Variants in CCDC171 observed in about 807,000 individuals in gnomAD.
CCDC171 encodes the protein coiled-coil domain-containing protein 171.
In CCDC171, 177 loss-of-function variants were observed where a neutral mutation model predicts 168.2. The observed-to-expected ratio is 1.05, with a 90% CI of 0.93 to 1.19. The LOEUF (loss-of-function observed/expected upper bound fraction) is 1.19. Among genes scored for constraint, CCDC171 ranks in the 50% most tolerant of loss-of-function variants. The pLI is 0.00. For missense variants in CCDC171, 1,991 were observed against 1,539.0 expected (o/e 1.29, Z -4.91); for synonymous variants, 687 against 540.8 (o/e 1.27, Z -3.75).
At chr9:15,971,223 A>G (rs1831328897) in intron 25 of CCDC171, among the ~76,000 whole-genome samples, 1 of 152,200 alleles carries the variant, frequency 6.6e-6, no homozygotes, top group African/African-American at 2.4e-5. Flanking sequence ...CTTCCATATT[A>G]TATGGCACTT....
the CCDC171 span, among the ~76,000 whole-genome samples, chr9:16,093,501 T>G: frequency 6.6e-6 from 1 of 152,250 alleles, no homozygotes; most frequent in Non-Finnish European, 1.5e-5. Context: ...GTTTGAAATA[T>G]TCTAGTCTAG....
intron 25 of CCDC171, among the ~76,000 whole-genome samples, chr9:15,966,653 C>A (rs559025022): frequency 6.6e-6 from 1 of 152,152 alleles, no homozygotes; most frequent in East Asian, 1.9e-4. Context: ...TCTAGGCACA[C>A]TGGGCCCTTA....
chr9:15,994,715 G>C (rs543502532), intron 3 of CCDC171, among the ~76,000 whole-genome samples: 1 of 152,188 alleles, frequency 6.6e-6, no homozygotes, highest in Non-Finnish European at 1.5e-5. Flanking sequence ...ATTGTCTGCA[G>C]TGTTAACAAC....
At chr9:15,830,117 T>A (rs970791441) in intron 21 of CCDC171, among the ~76,000 whole-genome samples, 7 of 152,208 alleles carry the variant, frequency 4.6e-5, no homozygotes, top group South Asian at 4.1e-4. Flanking sequence ...ATAAAAATCC[T>A]TGCTGGAATG....
In CCDC171 at chr9:15,803,887, C is replaced by T. The variant is rs1223468780; in HGVS notation, c.3267+19193C>T. On this transcript the variant is annotated intron_variant, in intron 21 of 25. Transcript: ENST00000380701. Reference sequence around the variant, plus strand: ...GGCTATTACACAATATTGATTTTTCCTATCTGTGAGCATGGAATGTCTTTC... The same window carrying T: ...GGCTATTACACAATATTGATTTTTCTTATCTGTGAGCATGGAATGTCTTTC... Among the ~76,000 whole-genome samples, 3 of 151,812 alleles carry T rather than the reference C, an allele frequency of 2.0e-5. No individual in the cohort carries two copies. In the East Asian group the frequency reaches 5.8e-4, roughly 29 times the overall value.
chr9:15,707,660 A>T (rs1000308516), intron 11 of CCDC171, among the ~76,000 whole-genome samples: 2 of 152,162 alleles, frequency 1.3e-5, no homozygotes, highest in Non-Finnish European at 2.9e-5. Flanking sequence ...TTCATCCCAA[A>T]GTTTAAAAAC....
At chr9:15,562,808 C>G (rs896407722) in intron 1 of CCDC171, among the ~76,000 whole-genome samples, 2 of 152,098 alleles carry the variant, frequency 1.3e-5, no homozygotes, top group African/African-American at 4.8e-5. Context: ...GGTTCTAACT[C>G]TTACTTTCAT....
intron 23 of CCDC171, among the ~76,000 whole-genome samples, chr9:15,853,205 A>G (rs1408706251): frequency 6.6e-6 from 1 of 151,694 alleles, no homozygotes; most frequent in Non-Finnish European, 1.5e-5. Flanking sequence ...CTTGCAATTC[A>G]TGAACATAGA....
intron 6 of CCDC171, among the ~76,000 whole-genome samples, chr9:15,597,660 A>G (rs188496319): frequency 3.3e-5 from 5 of 152,196 alleles, no homozygotes; most frequent in Non-Finnish European, 7.3e-5. Context: ...CTGGCCTCAT[A>G]AAATGAGTTA....
rs141971068 is a variant in CCDC171, at chr9:15,837,575, A to G, written c.3268-9127A>G. On this transcript the variant is annotated intron_variant, in intron 21 of 25. Coordinates refer to ENST00000380701, the MANE Select transcript of CCDC171 (RefSeq NM_173550.4). ...AAATACAGGGGTTTTCATAAGCACA[A>G]TTCCTCAAGAAACTGCCCAGAGGCT... is the stretch of plus-strand genomic sequence containing the variant. 7.2e-4 allele frequency among the ~76,000 whole-genome samples: 110 copies of G among 152,324 alleles called. 1 individual carries two copies. Among genetic ancestry groups the G allele is most frequent in the Non-Finnish European group, 1.2e-3 (79 of 68,008 alleles).
At chr9:16,102,560 A>T in the CCDC171 span, among the ~76,000 whole-genome samples, 3 of 152,218 alleles carry the variant, frequency 2.0e-5, no homozygotes, top group African/African-American at 7.2e-5. Flanking sequence ...AACCGTCTAG[A>T]ACCTCCTTAG....
chr9:16,010,285 A>G (rs1367554192), intron 3 of CCDC171, among the ~76,000 whole-genome samples: 10 of 152,156 alleles, frequency 6.6e-5, no homozygotes, highest in African/African-American at 2.4e-4. Context: ...ACTTTATATT[A>G]TAATTCTATA....
At position 15,614,923 on chromosome 9, in the gene CCDC171, A is replaced by G. The variant is rs115829617; in HGVS notation, c.676-8344A>G. ...ATGGATCATTAAATAGATTGAGTCA[A>G]TGTCAAAATTGCTGGCCCATATTGT... On this transcript the variant is annotated intron_variant, in intron 6 of 25. Transcript: ENST00000380701. 2.3e-3 allele frequency among the ~76,000 whole-genome samples: 353 copies of G among 152,316 alleles called. 2 individuals are homozygous for G. Among genetic ancestry groups the G allele is most frequent in the African/African-American group, 7.3e-3 (302 of 41,588 alleles).
At chr9:15,827,466 C>T (rs2060060541) in intron 21 of CCDC171, among the ~76,000 whole-genome samples, 1 of 152,192 alleles carries the variant, frequency 6.6e-6, no homozygotes, top group Non-Finnish European at 1.5e-5. Flanking sequence ...GAAGCTTTCA[C>T]TGCTTTCTAA....
intron 6 of CCDC171, among the ~76,000 whole-genome samples, chr9:15,594,988 A>G (rs962508530): frequency 1.3e-5 from 2 of 152,186 alleles, no homozygotes; most frequent in African/African-American, 4.8e-5. Context: ...TCGACACAGA[A>G]TGACAAATTG....
chr9:15,568,990 G>A (rs928049281), intron 2 of CCDC171, among the ~76,000 whole-genome samples: 1 of 152,304 alleles, frequency 6.6e-6, no homozygotes, highest in South Asian at 2.1e-4. Context: ...GTCCAGGATG[G>A]TATTGCCTAG....
intron 23 of CCDC171, among the ~76,000 whole-genome samples, chr9:15,864,205 C>G (rs1049862349): frequency 6.6e-6 from 1 of 151,940 alleles, no homozygotes; most frequent in African/African-American, 2.4e-5. Context: ...TTTGGAGTTC[C>G]TTAGTCCATC....
chr9:15,588,362 A>G, intron 4 of CCDC171: 1 of 244,632 alleles, frequency 4.1e-6, no homozygotes, highest in South Asian at 5.4e-5. Flanking sequence ...ACCATGCCCA[A>G]GAGAAAGCCT....
intron 18 of CCDC171, among the ~76,000 whole-genome samples, chr9:15,770,454 G>A (rs2056955955): frequency 6.6e-6 from 1 of 152,078 alleles, no homozygotes; most frequent in Admixed American, 6.6e-5. Context: ...ATTCTTAGAA[G>A]GGGAGCCATA....
Sources: gnomAD v4.1 joint callset for allele counts (sites outside exome capture counted in the v4.1 genomes callset) on GRCh38, gnomAD v4.1.1 for gene constraint, MANE v1.5 for transcripts, NCBI Gene and HGNC (gene_info 2026-07-23, HGNC 2026-07-21) for gene names.